The following PPM1A variants were observed in gnomAD, a reference collection of about 807,000 sequenced individuals.
PPM1A encodes protein phosphatase 1A.
Under a neutral mutation model 35.0 loss-of-function variants are expected in PPM1A, and 7 were observed. That is an observed-to-expected ratio of 0.20 (90% CI 0.11 to 0.38). PPM1A has a LOEUF of 0.38. Ranked by LOEUF, PPM1A falls within the 10% of genes least tolerant of loss-of-function variation. The pLI is 1.00. For missense variants in PPM1A, 239 were observed against 467.8 expected, an observed-to-expected ratio of 0.51 and a Z score of 4.51; for synonymous variants, 153 against 167.3, an observed-to-expected ratio of 0.91 and a Z score of 0.66.
At chr14:60,257,378 A>G (rs1272700143) in intron 1 of PPM1A, among the ~76,000 whole-genome samples, 1 of 152,184 alleles carries the variant, frequency 6.6e-6, no homozygotes, top group Non-Finnish European at 1.5e-5. Context: ...TTAAATTTTT[A>G]TAGTCTCCCT....
intron 1 of PPM1A, among the ~76,000 whole-genome samples, chr14:60,263,823 G>T (rs74060140): frequency 6.6e-6 from 1 of 152,140 alleles, no homozygotes; most frequent in South Asian, 2.1e-4. Flanking sequence ...TTCCAATATC[G>T]GAAGTCCTTA....
chr14:60,276,072 T>C (rs1299605543), intron 1 of PPM1A, among the ~76,000 whole-genome samples: 1 of 152,204 alleles, frequency 6.6e-6, no homozygotes, highest in African/African-American at 2.4e-5. Context: ...ATGCAGTATA[T>C]TGCTTAATAC....
chr14:60,249,105 TCTGTAGCTGCGCGCCGCGCCGCAG>T (rs1413874412), upstream of PPM1A: 1 of 514,048 alleles, frequency 1.9e-6, no homozygotes, highest in Non-Finnish European at 2.5e-6. The surrounding 1 kb of genome is among the most constrained non-coding windows in gnomAD (Gnocchi z 4.5). Context: ...CATCCGGGTC[TCTGTAGCTGCGCGCCGCGCCGCAG>T]CTGTAGCGGC....
chr14:60,261,980 T>G (rs1215234385), intron 1 of PPM1A, among the ~76,000 whole-genome samples: 1 of 152,208 alleles, frequency 6.6e-6, no homozygotes, highest in African/African-American at 2.4e-5. Flanking sequence ...TGATTATATA[T>G]TTTAAATTCT....
intron 2 of PPM1A, among the ~76,000 whole-genome samples, chr14:60,284,445 T>G (rs367782821): frequency 1.8e-4 from 28 of 152,102 alleles, no homozygotes; most frequent in African/African-American, 6.5e-4. Flanking sequence ...ATCGAGACCA[T>G]CCTGGCTAAC....
chr14:60,253,928 A>G (rs2062101347), intron 1 of PPM1A, among the ~76,000 whole-genome samples: 2 of 152,216 alleles, frequency 1.3e-5, no homozygotes, highest in African/African-American at 4.8e-5. Flanking sequence ...TTTCGTAGCC[A>G]GGTGTTCCTG....
At chr14:60,276,646 A>G (rs1265198043) in intron 1 of PPM1A, among the ~76,000 whole-genome samples, 1 of 152,178 alleles carries the variant, frequency 6.6e-6, no homozygotes, top group Non-Finnish European at 1.5e-5. Context: ...TAAATAGAAA[A>G]ATATGTAGGG....
chr14:60,285,467 C>T (rs1175701109), intron 2 of PPM1A, among the ~76,000 whole-genome samples, 157 bp from the exon 3 acceptor site: 1 of 111,018 alleles, frequency 9.0e-6, no homozygotes, highest in Non-Finnish European at 1.7e-5. Flanking sequence ...ATTGCACACA[C>T]ACACGCACGC....
chr14:60,252,233 CTTG>C (rs1437050021), intron 1 of PPM1A, among the ~76,000 whole-genome samples: 1 of 152,168 alleles, frequency 6.6e-6, no homozygotes, highest in African/African-American at 2.4e-5. Flanking sequence ...CCACAAGGAA[CTTG>C]TTATCTCTGA....
chr14:60,258,339 AT>A (rs1277110074), intron 1 of PPM1A, among the ~76,000 whole-genome samples: 1 of 151,836 alleles, frequency 6.6e-6, no homozygotes, highest in Non-Finnish European at 1.5e-5. Context: ...TACTTGGCTT[AT>A]TGTGTAGAGA....
At chr14:60,275,620 A>G (rs1387235357) in intron 1 of PPM1A, among the ~76,000 whole-genome samples, 1 of 152,052 alleles carries the variant, frequency 6.6e-6, no homozygotes, top group Non-Finnish European at 1.5e-5. Flanking sequence ...CTGAGTAGCT[A>G]GGACTACAGG....
At position 60,282,348 on chromosome 14, in the gene PPM1A, T is replaced by C. The variant is rs1886501145; in HGVS notation, c.-20-336T>C. 6.6e-6 allele frequency among the ~76,000 whole-genome samples: 1 copy of C among 152,240 alleles called. No individual in the cohort carries two copies. On this transcript the variant is annotated intron_variant, in intron 1 of 5. Transcript: ENST00000395076. The surrounding 1 kb of genome is among the most constrained non-coding windows in gnomAD (Gnocchi z 5.1). ...TTTTCTTAATTGATATACATACAAC[T>C]TAGTCCTGAGCTTACACATGTTCAT...
In PPM1A at chr14:60,283,975, G is replaced by A. The variant is rs933315468; in HGVS notation, c.834+438G>A. ...TTAATGGTCTGTAGCACTTGAAAGAGGAATGTAGTGATCATTAGACGTGAT... is the reference window on the plus strand; with the variant it reads ...TTAATGGTCTGTAGCACTTGAAAGAAGAATGTAGTGATCATTAGACGTGAT... On this transcript the variant is annotated intron_variant, in intron 2 of 5. Transcript: ENST00000395076. The surrounding 1 kb of genome is among the most constrained non-coding windows in gnomAD (Gnocchi z 6.3). Among the ~76,000 whole-genome samples, 11 of 152,184 alleles carry A rather than the reference G, an allele frequency of 7.2e-5. No homozygotes were observed. Among genetic ancestry groups the A allele is most frequent in the African/African-American group, 2.7e-4 (11 of 41,440 alleles).
intron 1 of PPM1A, among the ~76,000 whole-genome samples, chr14:60,280,202 C>T (rs1886240573): frequency 6.6e-6 from 1 of 152,118 alleles, no homozygotes; most frequent in Admixed American, 6.5e-5. Flanking sequence ...GACGGGGTTT[C>T]ACCATATTGG....
intron 1 of PPM1A, chr14:60,250,439 C>G: frequency 2.0e-6 from 2 of 984,756 alleles, no homozygotes. Flanking sequence ...AGCCTTCTAC[C>G]AACTGCAGTT....
intron 3 of PPM1A, chr14:60,288,494 C>A (rs764924215): frequency 7.4e-5 from 73 of 983,744 alleles, no homozygotes; most frequent in Non-Finnish European, 8.6e-5. Flanking sequence ...AGCATTAGAA[C>A]CATGTAGAAC....
At position 60,260,773 on chromosome 14, in the gene PPM1A, A is replaced by T. The variant is rs190483120; in HGVS notation, c.-21+11096A>T. ...TTTAGGTATTTTATATAAATGGAAT[A>T]CAGGTAACTTTTTATTAGTGATTTT... is the stretch of plus-strand genomic sequence containing the variant. On this transcript the variant is annotated intron_variant, in intron 1 of 5. Coordinates refer to ENST00000395076, the MANE Select transcript of PPM1A (RefSeq NM_021003.5). Among the ~76,000 whole-genome samples, 69 of 152,326 alleles carry T rather than the reference A, an allele frequency of 4.5e-4. 1 individual carries two copies. Among genetic ancestry groups the T allele is most frequent in the Non-Finnish European group, 8.8e-5 (6 of 68,004 alleles).
At chr14:60,255,121 G>T (rs1882904283) in intron 1 of PPM1A, among the ~76,000 whole-genome samples, 1 of 145,546 alleles carries the variant, frequency 6.9e-6, no homozygotes, top group Non-Finnish European at 1.5e-5. Flanking sequence ...TCCTTTCTCT[G>T]TACTTAAAGC....
Position 60,251,987 on chromosome 14 carries a change from T to G in PPM1A, c.-21+2310T>G, listed in dbSNP as rs190066717. Reference sequence around the variant, plus strand: ...TTTTCTGTCACTTCAAGCTGGGTCTTGTTAAACCTTTGAAAATTCTCTAAT... The same window carrying G: ...TTTTCTGTCACTTCAAGCTGGGTCTGGTTAAACCTTTGAAAATTCTCTAAT... On this transcript the variant is annotated intron_variant, in intron 1 of 5. Transcript: ENST00000395076. Among the ~76,000 whole-genome samples the G allele has an allele frequency of 3.8e-3, 578 of 152,298 alleles. 7 individuals carry two copies. The highest frequency in any genetic ancestry group is 0.013 in the African/African-American group (553 of 41,536).
Sources: allele counts gnomAD v4.1 joint callset (sites outside exome capture counted in the v4.1 genomes callset), GRCh38; gene constraint gnomAD v4.1.1; non-coding constraint Gnocchi (gnomAD v3.1); transcripts MANE v1.5; gene names NCBI Gene and HGNC (gene_info 2026-07-23, HGNC 2026-07-21).